Variants in PTPN12 observed in about 807,000 individuals in gnomAD.
PTPN12 encodes the protein protein tyrosine phosphatase non-receptor type 12, also known as tyrosine-protein phosphatase non-receptor type 12.
PTPN12 carries 29 observed loss-of-function variants against 97.6 expected under a neutral mutation model. The observed-to-expected ratio is 0.30, with a 90% CI of 0.22 to 0.41. The LOEUF (loss-of-function observed/expected upper bound fraction) is 0.41, where lower values mean the gene tolerates loss of function less well. PTPN12 is among the 10% of genes least tolerant of loss of function. PTPN12 has a pLI of 1.00. For missense variants in PTPN12, 819 were observed against 926.0 expected (o/e 0.88, Z 1.50); for synonymous variants, 327 against 300.4 (o/e 1.09, Z -0.91).
intron 2 of PTPN12, among the ~76,000 whole-genome samples, chr7:77,574,979 C>T (rs1787293046): frequency 6.6e-6 from 1 of 151,666 alleles, no homozygotes; most frequent in Non-Finnish European, 1.5e-5. Flanking sequence ...TTACAAGCAC[C>T]TGCCACCATG....
At chr7:77,632,223 T>G in intron 13 of PTPN12, 125 bp from the exon 14 acceptor site, 1 of 704,204 alleles carries the variant, frequency 1.4e-6, no homozygotes, top group South Asian at 1.7e-5. Context: ...GTTTCTTGCA[T>G]TTTTTTGCAT....
chr7:77,638,595 A>AT (rs755890038), intron 16 of PTPN12, 29 bp from the exon 17 acceptor site: 6 of 1,547,158 alleles, frequency 3.9e-6, no homozygotes, highest in Non-Finnish European at 5.2e-6. Context: ...AAGGATGGTG[A>AT]TTAACAAAGG....
At chr7:77,538,352 G>A (rs1444927828) in intron 1 of PTPN12, among the ~76,000 whole-genome samples, 1 of 147,970 alleles carries the variant, frequency 6.8e-6, no homozygotes, top group Non-Finnish European at 1.5e-5. Flanking sequence ...GTGGGTGGGG[G>A]AATTATCCTG....
chr7:77,564,659 A>G (rs1475973162), intron 1 of PTPN12, among the ~76,000 whole-genome samples: 2 of 150,842 alleles, frequency 1.3e-5, no homozygotes, highest in African/African-American at 2.4e-5. Flanking sequence ...TATAGTTTTA[A>G]TATTTGTATA....
chr7:77,607,417 G>GTA, intron 9 of PTPN12, 116 bp downstream of exon 9: 1 of 797,888 alleles, frequency 1.3e-6, no homozygotes, highest in South Asian at 1.8e-5. Flanking sequence ...TTTTTCCAAA[G>GTA]TAGTTTTATT....
chr7:77,627,249 G>A lies in PTPN12; in HGVS notation c.1570G>A (p.Asp524Asn). The A allele has an allele frequency of 6.2e-7, 1 of 1,614,146 alleles. No individual in the cohort carries two copies. Among genetic ancestry groups the A allele is most frequent in the Non-Finnish European group, 8.5e-7 (1 of 1,180,000 alleles). Residue 524 changes from aspartate (D) to asparagine (N), a missense_variant, in exon 13 of 18, where the codon GAC becomes AAC. Around this residue, in one of 5 missense-constraint regions of PTPN12, gnomAD observed 607 missense variants for 577.3 expected, o/e 1.05. Transcript: ENST00000248594. The part of the protein sequence containing the change: ...SQNSDTPPRP[D>N]RLPLDEKGHV... ...GAATTCAGACACACCTCCAAGGCCA[G>A]ACCGCTTGCCTCTTGATGAGAAAGG... is the stretch of plus-strand genomic sequence containing the variant.
At chr7:77,543,836 T>G (rs778003716) in intron 1 of PTPN12, among the ~76,000 whole-genome samples, 2 of 152,238 alleles carry the variant, frequency 1.3e-5, no homozygotes, top group Non-Finnish European at 2.9e-5. Context: ...ATAGTATTGA[T>G]CCGTAGTACT....
rs188898497 is a variant in PTPN12, at chr7:77,613,620, G to A, written c.939+2574G>A. On this transcript the variant is annotated intron_variant, in intron 11 of 17. Transcript: ENST00000248594. The stretch of plus-strand genomic sequence containing the variant: ...TGGAATCCCAGCACTTTGGGAGGCC[G>A]AAGCAGGCAGGATCACCTGAGGCCA... Among the ~76,000 whole-genome samples, 32 of 152,132 alleles carry A rather than the reference G, an allele frequency of 2.1e-4. No individual in the cohort carries two copies. The East Asian group carries it at 2.4e-3, about 11-fold the overall frequency.
intron 1 of PTPN12, among the ~76,000 whole-genome samples, chr7:77,542,044 G>A (rs1584082419): frequency 6.6e-6 from 1 of 152,132 alleles, no homozygotes; most frequent in African/African-American, 2.4e-5. Context: ...TGATGGCTGG[G>A]GGTTGGGGAG....
chr7:77,584,660 G>A (rs1004837202), intron 4 of PTPN12, among the ~76,000 whole-genome samples: 12 of 152,094 alleles, frequency 7.9e-5, no homozygotes, highest in Admixed American at 6.5e-5. Context: ...GGCAGATCAC[G>A]AGGTCAGGAG....
chr7:77,576,213 T>C (rs938965217), intron 2 of PTPN12, among the ~76,000 whole-genome samples: 1 of 152,194 alleles, frequency 6.6e-6, no homozygotes, highest in African/African-American at 2.4e-5. Flanking sequence ...AGTTCATTCC[T>C]TTTTGTTGTT....
chr7:77,576,075 C>T lies in PTPN12; in HGVS notation c.208+4889C>T, dbSNP rs551151879. ...TTCACTATGTTGGCCAGACTGGTCTCGAACTCCTGACCTCGTGATCCGCCT... is the reference window on the plus strand; with the variant it reads ...TTCACTATGTTGGCCAGACTGGTCTTGAACTCCTGACCTCGTGATCCGCCT... On this transcript the variant is annotated intron_variant, in intron 2 of 17. Transcript: ENST00000248594. Among the ~76,000 whole-genome samples, 13 of 152,242 alleles carry T rather than the reference C, an allele frequency of 8.5e-5. No individual in the cohort carries two copies. The East Asian group carries it at 1.9e-3, about 23-fold the overall frequency.
At chr7:77,588,976 A>C (rs1040212242) in intron 5 of PTPN12, among the ~76,000 whole-genome samples, 5 of 152,010 alleles carry the variant, frequency 3.3e-5, no homozygotes, top group African/African-American at 1.2e-4. Flanking sequence ...GGGTTCAGGT[A>C]TATTTCCTGT....
chr7:77,616,207 C>A (rs1788745038), intron 11 of PTPN12, among the ~76,000 whole-genome samples: 2 of 152,194 alleles, frequency 1.3e-5, no homozygotes, highest in African/African-American at 4.8e-5. Flanking sequence ...TCTTACCAAT[C>A]CCTCAATGCC....
chr7:77,632,276 A>C, intron 13 of PTPN12, 72 bp from the exon 14 acceptor site: 1 of 1,144,820 alleles, frequency 8.7e-7, no homozygotes, highest in Non-Finnish European at 1.3e-6. Context: ...AATTTTTAGA[A>C]TGTCAAGAAA....
intron 2 of PTPN12, among the ~76,000 whole-genome samples, chr7:77,573,295 A>G (rs1034043027): frequency 1.3e-5 from 2 of 152,166 alleles, no homozygotes; most frequent in Admixed American, 1.3e-4. Flanking sequence ...AATAACAGAC[A>G]TTTGTATCTT....
intron 14 of PTPN12, among the ~76,000 whole-genome samples, chr7:77,635,306 A>G (rs896234662): frequency 3.3e-5 from 5 of 152,194 alleles, no homozygotes; most frequent in African/African-American, 9.6e-5. Flanking sequence ...GCATGCACCT[A>G]TAGTCCCAGC....
In PTPN12 at chr7:77,627,604, C is replaced by G; in HGVS notation, c.1925C>G (p.Thr642Ser). 6.2e-7 allele frequency: 1 copy of G among 1,612,722 alleles called. No homozygotes were observed. The highest frequency in any genetic ancestry group is 8.5e-7 in the Non-Finnish European group (1 of 1,179,542). Residue 642 changes from threonine to serine, a missense_variant, in exon 13 of 18, where the codon ACT becomes AGT. Coordinates refer to ENST00000248594, the MANE Select transcript of PTPN12 (RefSeq NM_002835.4). The part of the protein sequence containing the change: ...SAATSTESIS[T>S]RKVLPMSIAR... ...GCCACTAGTACTGAAAGCATTTCTA[C>G]TAGGAAAGTATTGCCAATGTCCATT...
In PTPN12 at chr7:77,590,299, A is replaced by G. The variant is rs549027067; in HGVS notation, c.421-1886A>G. Among the ~76,000 whole-genome samples, 35 of 152,346 alleles carry G rather than the reference A, an allele frequency of 2.3e-4. 1 individual carries two copies. The South Asian group carries it at 7.2e-3, about 32-fold the overall frequency. On this transcript the variant is annotated intron_variant, in intron 5 of 17. Transcript: ENST00000248594. ...CTGAATGAGGGGCATTGTTAGTCAC[A>G]CCGCTTTCTATTCTTAACTAAATTA...
Sources: gnomAD v4.1 joint callset for allele counts (sites outside exome capture counted in the v4.1 genomes callset) on GRCh38, gnomAD v4.1.1 for gene constraint, gnomAD v4.1.1 regional missense constraint, MANE v1.5 for transcripts, NCBI Gene and HGNC (gene_info 2026-07-23, HGNC 2026-07-21) for gene names.